The following PRSS12 variants were observed in gnomAD, a reference collection of about 807,000 sequenced individuals.
PRSS12 encodes the protein neurotrypsin.
A neutral mutation model predicts 104.4 loss-of-function variants in PRSS12; 85 were observed. The observed-to-expected ratio is 0.81, with a 90% confidence interval of 0.68 to 0.98. PRSS12 has a LOEUF of 0.98. Ranked by LOEUF, PRSS12 falls within the 50% of genes least tolerant of loss-of-function variation. PRSS12 has a pLI of 0.00. For missense variants in PRSS12, 1,141 were observed against 1,139.2 expected (o/e 1.00, Z -0.02); for synonymous variants, 454 against 425.2 (o/e 1.07, Z -0.83).
intron 4 of PRSS12, among the ~76,000 whole-genome samples, chr4:118,330,741 T>C (rs1434936631): frequency 6.6e-6 from 1 of 152,232 alleles, no homozygotes; most frequent in Non-Finnish European, 1.5e-5. Context: ...ACAATGTTCT[T>C]ATTTGTAAGA....
chr4:118,320,801 G>T (rs1482546661), intron 4 of PRSS12, among the ~76,000 whole-genome samples: 2 of 151,990 alleles, frequency 1.3e-5, no homozygotes, highest in African/African-American at 4.8e-5. Flanking sequence ...AATGCTTAGG[G>T]AATGCTCCGT....
intron 11 of PRSS12, among the ~76,000 whole-genome samples, chr4:118,286,490 T>G (rs538483761): frequency 2.3e-4 from 35 of 152,316 alleles, no homozygotes; most frequent in Non-Finnish European, 4.3e-4. Context: ...TCCTGAAAGC[T>G]AGCCAATCCT....
chr4:118,315,817 T>C (rs1447760481), intron 6 of PRSS12, among the ~76,000 whole-genome samples: 1 of 152,238 alleles, frequency 6.6e-6, no homozygotes, highest in Non-Finnish European at 1.5e-5. Flanking sequence ...GACACTAGAC[T>C]TCTCTGCAAT....
intron 9 of PRSS12, 96 bp downstream of exon 9, chr4:118,298,637 T>C: frequency 8.1e-7 from 1 of 1,231,534 alleles, no homozygotes; most frequent in Non-Finnish European, 1.2e-6. Context: ...TATACGTTCT[T>C]GTTGTACTAG....
Position 118,352,251 on chromosome 4 carries a change from T to C in PRSS12, c.470A>G (p.Lys157Arg). 6.2e-7 allele frequency: 1 copy of C among 1,611,814 alleles called. No individual in the cohort carries two copies. The highest frequency in any genetic ancestry group is 8.5e-7 in the Non-Finnish European group (1 of 1,179,684). The change falls in exon 1 of 13, where the codon AAG becomes AGG. Residue 157 changes from lysine to arginine, a missense_variant. Coordinates refer to ENST00000296498, the MANE Select transcript of PRSS12 (RefSeq NM_003619.4). ...GCAGTCGCAGTAGCCCCAGTCCACC[T>C]TGCCACGGGCGTCTCCGTAGAAACA... ...PWCFYGDARG[K>R]VDWGYCDCRH...
At chr4:118,314,334 ATTTAT>A (rs1560774777) in intron 6 of PRSS12, among the ~76,000 whole-genome samples, 3 of 152,152 alleles carry the variant, frequency 2.0e-5, no homozygotes, top group Admixed American at 2.0e-4. Context: ...TATTTATTAA[ATTTAT>A]TTGACAAAAT....
chr4:118,313,358 G>C lies in PRSS12; in HGVS notation c.1332C>G (p.Ser444Arg). The change falls in exon 7 of 13, where the codon AGC becomes AGG. Residue 444 changes from serine (S) to arginine (R), a missense_variant. Ser to Arg is a moderately radical substitution (Grantham distance 110). Transcript: ENST00000296498. ...KQASANHFEE[S>R]TGPIWLDDVS... ...CGTCATCCAACCATATGGGCCCTGT[G>C]CTTTCTTCAAAATGGTTGGCAGATG... 1 of 1,614,128 alleles carries C rather than the reference G, an allele frequency of 6.2e-7. No individual in the cohort carries two copies. The highest frequency in any genetic ancestry group is 8.5e-7 in the Non-Finnish European group (1 of 1,180,008).
intron 8 of PRSS12, among the ~76,000 whole-genome samples, chr4:118,308,170 T>G (rs1743604966): frequency 6.6e-6 from 1 of 152,232 alleles, no homozygotes; most frequent in Non-Finnish European, 1.5e-5. Flanking sequence ...CAAGCTGTAT[T>G]ATGACTAGTC....
At chr4:118,333,360 A>T (rs1424946753) in intron 3 of PRSS12, among the ~76,000 whole-genome samples, 1 of 152,178 alleles carries the variant, frequency 6.6e-6, no homozygotes, top group African/African-American at 2.4e-5. Flanking sequence ...TTGGATATTC[A>T]CACTTAAATT....
intron 8 of PRSS12, chr4:118,306,039 C>T (rs1460570202): frequency 6.6e-6 from 1 of 152,156 alleles, no homozygotes; most frequent in East Asian, 1.9e-4. Flanking sequence ...ATTTCTTTGA[C>T]ATCCTAATTT....
chr4:118,295,785 A>G lies in PRSS12; in HGVS notation c.1909T>C (p.Ser637Pro). 6.2e-7 allele frequency: 1 copy of G among 1,613,206 alleles called. No homozygotes were observed. The highest frequency in any genetic ancestry group is 1.3e-5 in the African/African-American group (1 of 75,028). The change falls in exon 10 of 13, where the codon TCT becomes CCT. Residue 637 changes from serine (S) to proline (P), a missense_variant. Physicochemically the swap from Ser to Pro is moderately conservative, Grantham distance 74 (BLOSUM62 -1). Coordinates refer to ENST00000296498, the MANE Select transcript of PRSS12 (RefSeq NM_003619.4). The part of the protein sequence containing the change: ...RQKRIIGGKN[S>P]LRGGWPWQVS... ...TTTTGGAGGAACATTTACCTTAAAG[A>G]ATTTTTCCCACCAATGATCCGCTTC...
chr4:118,308,690 G>C lies in PRSS12; in HGVS notation c.1490-113C>G. 2.1e-6 allele frequency: 3 copies of C among 1,417,220 alleles called. No homozygotes were observed. The South Asian group carries it at 3.5e-5, about 17-fold the overall frequency. 87.8% of individuals were successfully genotyped at this position (1,417,220 alleles called of 1,614,324 possible). A position where few individuals can be genotyped will look rare whatever the true frequency, so the allele number is the denominator to read the frequency against. On this transcript the variant is annotated intron_variant, in intron 7 of 12. Coordinates refer to ENST00000296498, the MANE Select transcript of PRSS12 (RefSeq NM_003619.4). ...TTTTAATCAGCTATAAAATCAGATG[G>C]GAAATACTTTTTTGAGAGAGAGGAG... is the stretch of plus-strand genomic sequence containing the variant.
At chr4:118,343,239 T>A (rs1578941172) in intron 1 of PRSS12, among the ~76,000 whole-genome samples, 1 of 150,970 alleles carries the variant, frequency 6.6e-6, no homozygotes, top group South Asian at 2.1e-4. Flanking sequence ...AAAAAAAAAA[T>A]TAAAAATTAG....
chr4:118,298,646 A>G, intron 9 of PRSS12, 87 bp downstream of exon 9: 1 of 1,279,646 alleles, frequency 7.8e-7, no homozygotes, highest in Non-Finnish European at 1.1e-6. Flanking sequence ...TTGTTGTACT[A>G]GATTTCTGTT....
At chr4:118,305,343 A>C (rs1743520057) in intron 8 of PRSS12, among the ~76,000 whole-genome samples, 1 of 152,010 alleles carries the variant, frequency 6.6e-6, no homozygotes, top group East Asian at 1.9e-4. Flanking sequence ...AGACTATTTA[A>C]AATGCAATTA....
chr4:118,331,612 A>G (rs997858907), intron 4 of PRSS12, 104 bp downstream of exon 4: 50 of 1,464,740 alleles, frequency 3.4e-5, no homozygotes, highest in Middle Eastern at 2.1e-4. Context: ...AACTTGTCCC[A>G]TTTGTTCAAG....
intron 1 of PRSS12, among the ~76,000 whole-genome samples, chr4:118,344,205 T>C (rs1366805776): frequency 6.6e-6 from 1 of 152,174 alleles, no homozygotes; most frequent in Non-Finnish European, 1.5e-5. Flanking sequence ...TACACATATT[T>C]GACATTAAGT....
chr4:118,351,254 C>G (rs1170461628), intron 1 of PRSS12, among the ~76,000 whole-genome samples: 1 of 152,096 alleles, frequency 6.6e-6, no homozygotes, highest in Non-Finnish European at 1.5e-5. Context: ...TCAGGAAACC[C>G]TTGCCCCACA....
chr4:118,332,260 A>G (rs1210935031), intron 3 of PRSS12, among the ~76,000 whole-genome samples: 1 of 152,190 alleles, frequency 6.6e-6, no homozygotes, highest in Non-Finnish European at 1.5e-5. Flanking sequence ...ATTAAGAATG[A>G]CACTTATGTC....
Sources: allele counts gnomAD v4.1 joint callset (sites outside exome capture counted in the v4.1 genomes callset), GRCh38; gene constraint gnomAD v4.1.1; transcripts MANE v1.5; gene names NCBI Gene and HGNC (gene_info 2026-07-23, HGNC 2026-07-21).